GNG12: variants seen among roughly 807,000 people sequenced by gnomAD.
GNG12 encodes the protein G protein subunit gamma 12, also known as guanine nucleotide-binding protein G(I)/G(S)/G(O) subunit gamma-12.
For synonymous variants in GNG12, 28 were observed against 29.7 expected, an observed-to-expected ratio of 0.94 and a Z score of 0.19; for missense variants, 69 against 83.8, an observed-to-expected ratio of 0.82 and a Z score of 0.69.
chr1:67,766,435 A>C (rs1646640210), intron 2 of GNG12, among the ~76,000 whole-genome samples: 1 of 152,092 alleles, frequency 6.6e-6, no homozygotes, highest in African/African-American at 2.4e-5. Context: ...CTGATGAGCA[A>C]AGCAGCCCAG....
chr1:67,744,814 ATC>A (rs1183625412), intron 2 of GNG12, among the ~76,000 whole-genome samples: 6 of 151,790 alleles, frequency 4.0e-5, no homozygotes, highest in African/African-American at 1.5e-4. Flanking sequence ...CGGCATTTGA[ATC>A]TCTACCTCCA....
intron 1 of GNG12, among the ~76,000 whole-genome samples, chr1:67,799,459 T>C (rs1005835566): frequency 6.6e-6 from 1 of 152,226 alleles, no homozygotes; most frequent in Non-Finnish European, 1.5e-5. Context: ...TTCATGTTTA[T>C]TTGTCCTGAC....
At chr1:67,814,423 G>A (rs1469798519) in intron 1 of GNG12, among the ~76,000 whole-genome samples, 1 of 152,174 alleles carries the variant, frequency 6.6e-6, no homozygotes, top group Non-Finnish European at 1.5e-5. Flanking sequence ...TAGCAAAACT[G>A]TTCCTACCTA....
At chr1:67,830,833 C>T (rs937811103) in intron 1 of GNG12, among the ~76,000 whole-genome samples, 3 of 152,216 alleles carry the variant, frequency 2.0e-5, no homozygotes, top group Admixed American at 6.5e-5. Context: ...CTAGCATTTC[C>T]GGAAGGTTCA....
At chr1:67,787,941 T>C (rs11807428) in intron 1 of GNG12, among the ~76,000 whole-genome samples, 1,980 of 152,292 alleles carry the variant, frequency 0.013, 48 homozygotes, top group African/African-American at 0.045. Flanking sequence ...CTCAGTGCCA[T>C]GCAAGCCAAG....
chr1:67,794,808 G>C (rs1646820493), intron 1 of GNG12, among the ~76,000 whole-genome samples: 1 of 152,186 alleles, frequency 6.6e-6, no homozygotes, highest in Non-Finnish European at 1.5e-5. Context: ...ATATCATTTA[G>C]CACAGAGGCC....
chr1:67,823,858 T>C (rs1309490749), intron 1 of GNG12, among the ~76,000 whole-genome samples: 1 of 152,142 alleles, frequency 6.6e-6, no homozygotes, highest in Non-Finnish European at 1.5e-5. Flanking sequence ...ATCACAGCAC[T>C]GTTTGTAATA....
chr1:67,753,153 TG>T (rs1296585689), intron 2 of GNG12, among the ~76,000 whole-genome samples: 4 of 152,208 alleles, frequency 2.6e-5, no homozygotes, highest in Admixed American at 1.3e-4. Context: ...AGTGGGTGTT[TG>T]GTAATTATGT....
intron 2 of GNG12, among the ~76,000 whole-genome samples, chr1:67,731,207 T>TCCAACC (rs1646417104): frequency 6.6e-6 from 1 of 152,134 alleles, no homozygotes; most frequent in Non-Finnish European, 1.5e-5. Flanking sequence ...CCACCAAGTT[T>TCCAACC]CTGGATTCCC....
In GNG12 at chr1:67,826,140, C is replaced by T. The variant is rs117126429; in HGVS notation, c.-77+7204G>A. Reference sequence around the variant, plus strand: ...ATAAACCAAATGGTTAAGTGACAGACTCTGCCAGCTGATGGCATCTAGAGG... The same window carrying T: ...ATAAACCAAATGGTTAAGTGACAGATTCTGCCAGCTGATGGCATCTAGAGG... On this transcript the variant is annotated intron_variant, in intron 1 of 3. Transcript: ENST00000370982. Among the ~76,000 whole-genome samples, 151 of 152,318 alleles carry T rather than the reference C, an allele frequency of 9.9e-4. 7 individuals carry two copies. In the East Asian group the frequency reaches 0.027, roughly 27 times the overall value.
intron 1 of GNG12, among the ~76,000 whole-genome samples, chr1:67,800,997 C>T (rs903790407): frequency 3.1e-5 from 4 of 128,542 alleles, no homozygotes; most frequent in Non-Finnish European, 1.7e-5. Context: ...GAGACCTTTT[C>T]GTTTGAGCCA....
At chr1:67,794,356 A>C (rs551917328) in intron 1 of GNG12, among the ~76,000 whole-genome samples, 1 of 152,194 alleles carries the variant, frequency 6.6e-6, no homozygotes, top group Non-Finnish European at 1.5e-5. Flanking sequence ...TGACAGGAGA[A>C]TGCTGGGGAA....
At chr1:67,772,962 A>T (rs1295283034) in intron 2 of GNG12, among the ~76,000 whole-genome samples, 1 of 152,248 alleles carries the variant, frequency 6.6e-6, no homozygotes, top group East Asian at 1.9e-4. Context: ...GAGAGAGCTA[A>T]GCAAAGTCAA....
intron 2 of GNG12, among the ~76,000 whole-genome samples, chr1:67,755,357 T>C (rs1422457487): frequency 6.6e-6 from 1 of 152,258 alleles, no homozygotes; most frequent in Non-Finnish European, 1.5e-5. Context: ...TTGGGCACTT[T>C]TCACTTCCTA....
At chr1:67,781,975 A>T (rs778496444) in intron 1 of GNG12, among the ~76,000 whole-genome samples, 10 of 152,142 alleles carry the variant, frequency 6.6e-5, no homozygotes, top group Admixed American at 2.6e-4. Flanking sequence ...TTTAAATACA[A>T]TTAAAAACTC....
intron 1 of GNG12, among the ~76,000 whole-genome samples, chr1:67,815,174 T>C (rs1215150018): frequency 6.6e-6 from 1 of 152,218 alleles, no homozygotes; most frequent in Admixed American, 6.5e-5. Flanking sequence ...AAATGGTATT[T>C]GTATCCAGGA....
At chr1:67,779,210 C>T (rs995976230) in intron 1 of GNG12, among the ~76,000 whole-genome samples, 6 of 152,168 alleles carry the variant, frequency 3.9e-5, no homozygotes, top group African/African-American at 1.2e-4. Flanking sequence ...TAAGAAAACA[C>T]ATCTTTTTCA....
intron 1 of GNG12, among the ~76,000 whole-genome samples, chr1:67,823,309 G>GT (rs926876487): frequency 3.3e-5 from 5 of 152,146 alleles, no homozygotes; most frequent in African/African-American, 1.2e-4. Context: ...TCTTCATCAT[G>GT]TTTTTTGGAG....
At chr1:67,830,926 T>C (rs1222870795) in intron 1 of GNG12, among the ~76,000 whole-genome samples, 1 of 152,258 alleles carries the variant, frequency 6.6e-6, no homozygotes, top group Non-Finnish European at 1.5e-5. Flanking sequence ...ATGTACTGCG[T>C]GTTAAGTCCA....
Sources: allele counts gnomAD v4.1 joint callset (sites outside exome capture counted in the v4.1 genomes callset), GRCh38; gene constraint gnomAD v4.1.1; transcripts MANE v1.5; gene names NCBI Gene and HGNC (gene_info 2026-07-23, HGNC 2026-07-21).